Variants in FMO2 observed in about 807,000 individuals in gnomAD.
FMO2 encodes the protein flavin containing dimethylaniline monoxygenase 2, also known as flavin-containing monooxygenase 2.
In FMO2, 33 loss-of-function variants were observed where a neutral mutation model predicts 41.6. That is an observed-to-expected ratio of 0.79 (90% CI 0.60 to 1.06). The LOEUF is 1.06. FMO2 is among the 50% of genes least tolerant of loss of function. FMO2 has a pLI of 0.00. For synonymous variants in FMO2, 214 were observed against 219.6 expected, an observed-to-expected ratio of 0.97 and a Z score of 0.23; for missense variants, 619 against 632.9, an observed-to-expected ratio of 0.98 and a Z score of 0.23.
Position 171,208,918 on chromosome 1 carries a change from G to C in FMO2, c.1381G>C (p.Val461Leu), listed in dbSNP as rs769622262. Residue 461 changes from valine to leucine, a missense_variant, in exon 9 of 9, where the codon GTG (valine) becomes CTG (leucine). Coordinates refer to ENST00000209929, the MANE Select transcript of FMO2 (RefSeq NM_001460.5). ...CTTGTTCAAAGATCCTAAACTGGCT[G>C]TGAGACTCTATTTCGGACCCTGCAA... The part of the protein sequence containing the change: ...SLLFKDPKLA[V>L]RLYFGPCNSY... 10 of 1,613,834 alleles carry C rather than the reference G, an allele frequency of 6.2e-6. No individual in the cohort carries two copies. The highest frequency in any genetic ancestry group is 8.5e-6 in the Non-Finnish European group (10 of 1,179,880).
chr1:171,186,064 T>C (rs1189505509), intron 2 of FMO2: 2 of 392,862 alleles, frequency 5.1e-6, no homozygotes, highest in Non-Finnish European at 9.2e-6. Context: ...ATGTAAAAGA[T>C]CTCTTCTTTT....
chr1:171,206,207 T>C (rs1214284655), intron 7 of FMO2, among the ~76,000 whole-genome samples: 1 of 152,086 alleles, frequency 6.6e-6, no homozygotes, highest in Non-Finnish European at 1.5e-5. Context: ...CAGAGAGAAA[T>C]TTAAACAGAT....
intron 3 of FMO2, 32 bp from the exon 4 acceptor site, chr1:171,196,617 T>A (rs772322009): frequency 1.7e-5 from 27 of 1,604,762 alleles, no homozygotes; most frequent in Non-Finnish European, 2.2e-5. Context: ...CTGGAGTAAT[T>A]CTCAATGATG....
At chr1:171,202,220 TTGC>T (rs765669942) in intron 5 of FMO2, among the ~76,000 whole-genome samples, 60 of 152,214 alleles carry the variant, frequency 3.9e-4, no homozygotes, top group Non-Finnish European at 6.3e-4. Flanking sequence ...GAAACATGGT[TTGC>T]TCCTGAGAAA....
At chr1:171,199,206 T>G in intron 4 of FMO2, 140 bp from the exon 5 acceptor site, 1 of 759,794 alleles carries the variant, frequency 1.3e-6, no homozygotes, top group South Asian at 2.6e-5. Context: ...CTAAACTTTC[T>G]TATGTGCTTT....
intron 4 of FMO2, among the ~76,000 whole-genome samples, chr1:171,197,503 T>C (rs1658352489): frequency 6.6e-6 from 1 of 152,192 alleles, no homozygotes. Context: ...CTAAAGCAAT[T>C]GTTCTCAAAT....
chr1:171,205,295 C>G lies in FMO2; in HGVS notation c.844C>G (p.Pro282Ala). The change falls in exon 7 of 9, where the codon CCT becomes GCT. Residue 282 changes from proline to alanine, a missense_variant. Physicochemically the swap from Pro to Ala is conservative, Grantham distance 27 (BLOSUM62 -1). Coordinates refer to ENST00000209929, the MANE Select transcript of FMO2 (RefSeq NM_001460.5). ...EPQNKYIMKE[P>A]VLNDDVPSRL... Reference sequence around the variant, plus strand: ...ATGTCTCAGATACATTATGAAGGAACCTGTACTAAATGATGATGTCCCAAG... The same window carrying G: ...ATGTCTCAGATACATTATGAAGGAAGCTGTACTAAATGATGATGTCCCAAG... 1.9e-6 allele frequency: 3 copies of G among 1,607,346 alleles called. No homozygotes were observed. Among genetic ancestry groups the G allele is most frequent in the Non-Finnish European group, 2.6e-6 (3 of 1,174,818 alleles).
rs1431036668 is a variant in FMO2, at chr1:171,212,050, G to C, written c.*2905G>C. On this transcript the variant is annotated 3_prime_UTR_variant, in exon 9 of 9. Transcript: ENST00000209929. ...GTTCAGCCTTGGTCCTCCAACTGCA[G>C]TTTACAATTTTTGTTCTTCTCCTGT... 6.6e-6 allele frequency among the ~76,000 whole-genome samples: 1 copy of C among 152,178 alleles called. No individual in the cohort carries two copies. The highest frequency in any genetic ancestry group is 1.5e-5 in the Non-Finnish European group (1 of 68,020).
At chr1:171,188,184 A>G (rs1657934775) in intron 2 of FMO2, among the ~76,000 whole-genome samples, 1 of 152,054 alleles carries the variant, frequency 6.6e-6, no homozygotes, top group African/African-American at 2.4e-5. Flanking sequence ...CACATCCCAC[A>G]GATTTATTGT....
intron 2 of FMO2, among the ~76,000 whole-genome samples, chr1:171,192,303 C>G (rs1658115512): frequency 6.6e-6 from 1 of 152,062 alleles, no homozygotes; most frequent in South Asian, 2.1e-4. Flanking sequence ...GACAGAAACC[C>G]CCTTGTATTC....
At chr1:171,188,030 ATTTTTTTTTTTT>A (rs67830022) in intron 2 of FMO2, among the ~76,000 whole-genome samples, 2 of 97,726 alleles carry the variant, frequency 2.0e-5, no homozygotes, top group Admixed American at 1.1e-4. Context: ...TTCAGCTGGA[ATTTTTTTTTTTT>A]TTTTTTTTTT....
intron 6 of FMO2, among the ~76,000 whole-genome samples, chr1:171,204,731 A>G (rs1658682629): frequency 6.6e-6 from 1 of 152,196 alleles, no homozygotes; most frequent in South Asian, 2.1e-4. Flanking sequence ...AAAAAAAATA[A>G]GCGGACTTTG....
intron 8 of FMO2, 49 bp downstream of exon 8, chr1:171,207,839 C>T: frequency 8.2e-7 from 1 of 1,225,512 alleles, no homozygotes; most frequent in Non-Finnish European, 1.2e-6. Context: ...TCTCAAAGTA[C>T]AGTGATCTAA....
At chr1:171,195,474 T>C (rs1658267811) in intron 3 of FMO2, among the ~76,000 whole-genome samples, 1 of 152,202 alleles carries the variant, frequency 6.6e-6, no homozygotes, top group Admixed American at 6.5e-5. Flanking sequence ...AGCACTTAGT[T>C]AATATACTAC....
intron 2 of FMO2, among the ~76,000 whole-genome samples, chr1:171,186,615 C>A (rs1419581979): frequency 6.6e-6 from 1 of 152,096 alleles, no homozygotes; most frequent in Non-Finnish European, 1.5e-5. Flanking sequence ...AGGGTAGCTG[C>A]CCCCTTGATT....
intron 2 of FMO2, among the ~76,000 whole-genome samples, chr1:171,191,825 AC>A (rs29001688): frequency 0.015 from 2,146 of 144,532 alleles, 67 homozygotes; most frequent in African/African-American, 0.052. Context: ...GGAGTTTTAG[AC>A]CTGCCTGGGC....
rs1247471042 is a variant in FMO2 at position 171,210,275 on chromosome 1, T to G, written c.*1130T>G. ...ACATTTAGGATAATCTTTGACATTT[T>G]GGAAAAATAAGAATTGAGGAAAAAA... On this transcript the variant is annotated 3_prime_UTR_variant, in exon 9 of 9. Coordinates refer to ENST00000209929, the MANE Select transcript of FMO2 (RefSeq NM_001460.5). The G allele has an allele frequency of 6.6e-6, 1 of 152,164 alleles. No individual in the cohort carries two copies. Among genetic ancestry groups the G allele is most frequent in the African/African-American group, 2.4e-5 (1 of 41,452 alleles). The allele number at this position is 152,164 out of a possible 1,614,324, so 9.4% of individuals were successfully genotyped here. A position where few individuals can be genotyped will look rare whatever the true frequency, so the allele number is the denominator to read the frequency against.
At chr1:171,192,697 C>T (rs1368257065) in intron 2 of FMO2, among the ~76,000 whole-genome samples, 1 of 145,228 alleles carries the variant, frequency 6.9e-6, no homozygotes, top group African/African-American at 2.5e-5. Flanking sequence ...ACCTGGGAGG[C>T]GGAGCTTGCA....
At chr1:171,190,930 G>A (rs1292656071) in intron 2 of FMO2, among the ~76,000 whole-genome samples, 2 of 152,222 alleles carry the variant, frequency 1.3e-5, no homozygotes, top group Non-Finnish European at 2.9e-5. Flanking sequence ...TGGATCACCT[G>A]AGGTCGGGAG....
Sources: gnomAD v4.1 joint callset for allele counts (sites outside exome capture counted in the v4.1 genomes callset) on GRCh38, gnomAD v4.1.1 for gene constraint, MANE v1.5 for transcripts, NCBI Gene and HGNC (gene_info 2026-07-23, HGNC 2026-07-21) for gene names.